The following CNTNAP2 variants were observed in gnomAD, a reference collection of about 807,000 sequenced individuals.
CNTNAP2 encodes the protein contactin-associated protein-like 2.
A neutral mutation model predicts 155.2 loss-of-function variants in CNTNAP2; 98 were observed. The observed-to-expected ratio is 0.63, with a 90% CI of 0.54 to 0.75. The LOEUF is 0.75. Ranked by LOEUF, CNTNAP2 falls within the 30% of genes least tolerant of loss-of-function variation. CNTNAP2 has a pLI of 0.00. For missense variants in CNTNAP2, 1,727 were observed against 1,688.1 expected, an observed-to-expected ratio of 1.02 and a Z score of -0.40; for synonymous variants, 651 against 631.2, an observed-to-expected ratio of 1.03 and a Z score of -0.47.
At chr7:146,135,443 T>G (rs1797783698) in intron 1 of CNTNAP2, among the ~76,000 whole-genome samples, 1 of 152,090 alleles carries the variant, frequency 6.6e-6, no homozygotes, top group Non-Finnish European at 1.5e-5. Context: ...CATTCCAGTT[T>G]TTAAATCTAT....
At chr7:146,820,443 G>C (rs1050174558) in intron 2 of CNTNAP2, among the ~76,000 whole-genome samples, 1 of 152,074 alleles carries the variant, frequency 6.6e-6, no homozygotes, top group Non-Finnish European at 1.5e-5. Flanking sequence ...TAAAACCTCA[G>C]ACATTTGTCA....
chr7:147,888,231 G>T (rs73743371), intron 13 of CNTNAP2, among the ~76,000 whole-genome samples: 3,669 of 151,986 alleles, frequency 0.024, 59 homozygotes, highest in South Asian at 0.049. Flanking sequence ...GAGAAAAGTG[G>T]ATATACTATT....
chr7:147,439,975 G>A (rs1267273021), intron 10 of CNTNAP2, among the ~76,000 whole-genome samples: 1 of 151,792 alleles, frequency 6.6e-6, no homozygotes, highest in Non-Finnish European at 1.5e-5. Context: ...GTCTTTATAG[G>A]TGAAATGTGG....
chr7:147,679,506 A>T (rs1795916706), intron 13 of CNTNAP2, among the ~76,000 whole-genome samples: 1 of 151,950 alleles, frequency 6.6e-6, no homozygotes, highest in African/African-American at 2.4e-5. Flanking sequence ...GTTTTCTAAA[A>T]ATATGGCCAC....
In CNTNAP2 at chr7:146,891,291, T is replaced by C. The variant is rs75017620; in HGVS notation, c.402+51387T>C. The stretch of plus-strand genomic sequence containing the variant: ...GGGTTCAAGCCTAAAAAACTACTTA[T>C]TGGGTACTGTGATCACTATCTGGGT... On this transcript the variant is annotated intron_variant, in intron 3 of 23. Transcript: ENST00000361727. Among the ~76,000 whole-genome samples, 69 of 152,264 alleles carry C rather than the reference T, an allele frequency of 4.5e-4. 1 individual carries two copies. In the East Asian group the frequency reaches 0.013, roughly 29 times the overall value.
chr7:146,851,782 A>G (rs565739688), intron 3 of CNTNAP2, among the ~76,000 whole-genome samples: 2 of 151,812 alleles, frequency 1.3e-5, no homozygotes, highest in African/African-American at 4.8e-5. Context: ...TCCTGAACCC[A>G]TGGATCCTCT....
At chr7:146,576,161 G>T (rs1255691691) in intron 1 of CNTNAP2, among the ~76,000 whole-genome samples, 1 of 152,178 alleles carries the variant, frequency 6.6e-6, no homozygotes, top group African/African-American at 2.4e-5. Context: ...ATCATGAATG[G>T]ATAATTTGGG....
In CNTNAP2 at chr7:146,839,917, C is replaced by A. The variant is rs532060379; in HGVS notation, c.402+13C>A. The A allele has an allele frequency of 8.7e-5, 140 of 1,613,574 alleles. 3 individuals carry two copies. The South Asian group carries it at 1.4e-3, about 16-fold the overall frequency. ...TGGGAATATCTGGGTAAGTCATTGGCAGGAAAGCAAAGACACAGAATTGGA... is the reference window on the plus strand; with the variant it reads ...TGGGAATATCTGGGTAAGTCATTGGAAGGAAAGCAAAGACACAGAATTGGA... On this transcript the variant is annotated intron_variant, in intron 3 of 23. Transcript: ENST00000361727.
chr7:147,697,436 A>T (rs532400986), intron 13 of CNTNAP2, among the ~76,000 whole-genome samples: 1 of 152,118 alleles, frequency 6.6e-6, no homozygotes, highest in East Asian at 1.9e-4. Context: ...GCCTTTATTA[A>T]TGCAGCGATA....
intron 17 of CNTNAP2, among the ~76,000 whole-genome samples, chr7:148,164,965 A>T (rs1265438347): frequency 6.6e-6 from 1 of 151,892 alleles, no homozygotes; most frequent in Non-Finnish European, 1.5e-5. Context: ...TGTACTTTCC[A>T]TGGAAACAGT....
At position 148,208,068 on chromosome 7, in the gene CNTNAP2, G is replaced by A. The variant is rs1795482223; in HGVS notation, c.3011-9220G>A. On this transcript the variant is annotated intron_variant, in intron 18 of 23. Coordinates refer to ENST00000361727, the MANE Select transcript of CNTNAP2 (RefSeq NM_014141.6). ...TACGCCACTGCGCTCCAGCCTGGGC[G>A]ACAGAGCGAGACTCCGTGTCAAAAA... 5.4e-5 allele frequency among the ~76,000 whole-genome samples: 8 copies of A among 148,138 alleles called. No individual in the cohort carries two copies. The South Asian group carries it at 1.8e-3, about 32-fold the overall frequency.
At chr7:146,749,111 A>T (rs1323418555) in intron 1 of CNTNAP2, among the ~76,000 whole-genome samples, 1 of 152,176 alleles carries the variant, frequency 6.6e-6, no homozygotes, top group Non-Finnish European at 1.5e-5. Flanking sequence ...AATCACACAC[A>T]TATATAACAT....
chr7:147,420,211 A>G (rs765795122), intron 10 of CNTNAP2, among the ~76,000 whole-genome samples: 1 of 152,232 alleles, frequency 6.6e-6, no homozygotes, highest in Non-Finnish European at 1.5e-5. Flanking sequence ...GGAGAGGGTC[A>G]TATGTTGAAA....
intron 2 of CNTNAP2, among the ~76,000 whole-genome samples, chr7:146,804,426 G>A (rs1243779885): frequency 6.6e-6 from 1 of 152,082 alleles, no homozygotes; most frequent in Non-Finnish European, 1.5e-5. Flanking sequence ...GTTTTGGGAG[G>A]ATGTGTAAAA....
chr7:146,651,081 A>G (rs1284082888), intron 1 of CNTNAP2, among the ~76,000 whole-genome samples: 1 of 152,062 alleles, frequency 6.6e-6, no homozygotes, highest in Non-Finnish European at 1.5e-5. Flanking sequence ...ACTCTAATAC[A>G]TAACTGAGAT....
chr7:146,169,100 T>A (rs1487762249), intron 1 of CNTNAP2, among the ~76,000 whole-genome samples: 1 of 152,178 alleles, frequency 6.6e-6, no homozygotes, highest in Non-Finnish European at 1.5e-5. Flanking sequence ...TGCTATCAGT[T>A]CAATTATCAC....
At chr7:146,937,670 C>T (rs1173514877) in intron 3 of CNTNAP2, among the ~76,000 whole-genome samples, 1 of 152,070 alleles carries the variant, frequency 6.6e-6, no homozygotes, top group Non-Finnish European at 1.5e-5. Context: ...GGCTCTTGCT[C>T]TTACTTTTAT....
intron 1 of CNTNAP2, among the ~76,000 whole-genome samples, chr7:146,275,356 C>T (rs1800147429): frequency 6.6e-6 from 1 of 152,094 alleles, no homozygotes; most frequent in African/African-American, 2.4e-5. Flanking sequence ...GATTCAAACC[C>T]AGATCTTCTG....
chr7:146,570,871 C>T (rs1163974905), intron 1 of CNTNAP2, among the ~76,000 whole-genome samples: 1 of 151,830 alleles, frequency 6.6e-6, no homozygotes, highest in Non-Finnish European at 1.5e-5. Context: ...AAATGAAACA[C>T]TTAGGTAATA....
Sources: allele counts gnomAD v4.1 joint callset (sites outside exome capture counted in the v4.1 genomes callset), GRCh38; gene constraint gnomAD v4.1.1; transcripts MANE v1.5; gene names NCBI Gene and HGNC (gene_info 2026-07-23, HGNC 2026-07-21).